SORCS3: variants seen among roughly 807,000 people sequenced by gnomAD.
SORCS3 encodes the protein VPS10 domain-containing receptor SorCS3.
Under a neutral mutation model 146.3 loss-of-function variants are expected in SORCS3, and 57 were observed. The ratio of observed to expected loss-of-function variants is 0.39; its 90% CI spans 0.31 to 0.49. SORCS3 has a LOEUF of 0.49. Ranked by LOEUF, SORCS3 falls within the 20% of genes least tolerant of loss-of-function variation. The pLI is 0.92. For synonymous variants in SORCS3, 653 were observed against 618.5 expected, an observed-to-expected ratio of 1.06 and a Z score of -0.83; for missense variants, 1,341 against 1,575.5, an observed-to-expected ratio of 0.85 and a Z score of 2.52.
At chr10:105,239,085 C>A (rs918864799) in intron 20 of SORCS3, among the ~76,000 whole-genome samples, 19 of 152,000 alleles carry the variant, frequency 1.3e-4, no homozygotes, top group Non-Finnish European at 2.5e-4. Context: ...TGAATAGAAC[C>A]ATGAATTTGG....
chr10:105,104,627 T>C (rs2055808646), intron 6 of SORCS3, among the ~76,000 whole-genome samples: 1 of 152,220 alleles, frequency 6.6e-6, no homozygotes, highest in Non-Finnish European at 1.5e-5. Context: ...ATGTATCTAA[T>C]GTAAAAAGCA....
chr10:105,222,311 G>A (rs963862736), intron 19 of SORCS3, among the ~76,000 whole-genome samples: 1 of 152,048 alleles, frequency 6.6e-6, no homozygotes, highest in Admixed American at 6.5e-5. Flanking sequence ...ACCCACCTCA[G>A]CCTCCCAAAG....
chr10:105,090,200 C>T (rs2055692609), intron 6 of SORCS3, among the ~76,000 whole-genome samples: 1 of 152,132 alleles, frequency 6.6e-6, no homozygotes, highest in Admixed American at 6.5e-5. Flanking sequence ...AGTATGAACC[C>T]TTTATATAGG....
At chr10:105,025,837 A>AACACACACACAC (rs57597161) in intron 4 of SORCS3, among the ~76,000 whole-genome samples, 1,774 of 135,464 alleles carry the variant, frequency 0.013, 37 homozygotes, top group African/African-American at 0.038. Flanking sequence ...TGTCTTCTCA[A>AACACACACACAC]ACACACACAC....
intron 7 of SORCS3, among the ~76,000 whole-genome samples, chr10:105,136,287 C>A (rs956334291): frequency 6.6e-6 from 1 of 152,148 alleles, no homozygotes; most frequent in Non-Finnish European, 1.5e-5. Context: ...TGTGTCCTCA[C>A]ATGGCAGAAG....
chr10:104,921,389 C>A (rs1171143006), intron 3 of SORCS3, among the ~76,000 whole-genome samples: 1 of 152,096 alleles, frequency 6.6e-6, no homozygotes, highest in Non-Finnish European at 1.5e-5. Flanking sequence ...TGACTGCCAC[C>A]TGCAACTTTG....
intron 1 of SORCS3, among the ~76,000 whole-genome samples, chr10:104,671,706 A>C (rs576156656): frequency 6.6e-6 from 1 of 152,014 alleles, no homozygotes; most frequent in South Asian, 2.1e-4. Flanking sequence ...GATTTTGTCA[A>C]ATGCTTTTTC....
chr10:105,006,182 T>G (rs926162518), intron 4 of SORCS3, among the ~76,000 whole-genome samples: 1 of 152,152 alleles, frequency 6.6e-6, no homozygotes, highest in African/African-American at 2.4e-5. Context: ...CCTCAGGTGA[T>G]CCACCCGCCT....
intron 17 of SORCS3, among the ~76,000 whole-genome samples, chr10:105,213,760 A>G (rs991499081): frequency 1.3e-5 from 2 of 152,130 alleles, no homozygotes; most frequent in East Asian, 1.9e-4. Context: ...GACCTCCTCT[A>G]TAAGATAATT....
chr10:104,886,327 G>A (rs1335048418), intron 2 of SORCS3, among the ~76,000 whole-genome samples: 1 of 152,018 alleles, frequency 6.6e-6, no homozygotes, highest in Non-Finnish European at 1.5e-5. Flanking sequence ...TTTATGTGGT[G>A]TTTCTCTCTT....
intron 4 of SORCS3, among the ~76,000 whole-genome samples, chr10:105,014,917 C>A (rs961342091): frequency 6.6e-6 from 1 of 152,156 alleles, no homozygotes; most frequent in Non-Finnish European, 1.5e-5. Flanking sequence ...CTGGGACTAC[C>A]CAGCCTCCAT....
intron 7 of SORCS3, among the ~76,000 whole-genome samples, chr10:105,106,089 G>A (rs191109758): frequency 1.2e-4 from 19 of 152,202 alleles, no homozygotes; most frequent in African/African-American, 4.1e-4. Context: ...TCTCTATTGT[G>A]TACTATAAGG....
At chr10:104,799,097 G>T (rs1196425408) in intron 1 of SORCS3, among the ~76,000 whole-genome samples, 1 of 152,166 alleles carries the variant, frequency 6.6e-6, no homozygotes, top group Non-Finnish European at 1.5e-5. Context: ...ACACTGTTGG[G>T]AGTGTAAATT....
intron 26 of SORCS3, 66 bp from the exon 27 acceptor site, chr10:105,263,244 A>G: frequency 6.5e-7 from 1 of 1,529,860 alleles, no homozygotes; most frequent in Non-Finnish European, 9.0e-7. Context: ...AGCAGTGAAT[A>G]AAACTAAGAT....
intron 1 of SORCS3, among the ~76,000 whole-genome samples, chr10:104,796,438 T>C (rs1411478804): frequency 1.4e-5 from 1 of 72,446 alleles, no homozygotes; most frequent in Non-Finnish European, 3.3e-5. Flanking sequence ...ATAATCTCCA[T>C]TTTTTTTTTT....
chr10:104,877,194 T>G (rs2018585228), intron 2 of SORCS3, among the ~76,000 whole-genome samples: 1 of 152,094 alleles, frequency 6.6e-6, no homozygotes, highest in African/African-American at 2.4e-5. Context: ...TTCCTAGTAA[T>G]TCTTAACCCG....
chr10:104,660,410 T>G (rs2015686191), intron 1 of SORCS3, among the ~76,000 whole-genome samples: 1 of 152,182 alleles, frequency 6.6e-6, no homozygotes, highest in Non-Finnish European at 1.5e-5. Flanking sequence ...GTGGAGGAAC[T>G]TCTAGGGACA....
chr10:105,014,068 CATAT>C (rs59328970), intron 4 of SORCS3, among the ~76,000 whole-genome samples: 2 of 137,370 alleles, frequency 1.5e-5, no homozygotes, highest in African/African-American at 5.9e-5. Flanking sequence ...TCTAAATATA[CATAT>C]ATATATATAT....
chr10:104,904,828 T>C (rs999046683), intron 2 of SORCS3, among the ~76,000 whole-genome samples: 2 of 149,520 alleles, frequency 1.3e-5, no homozygotes, highest in African/African-American at 5.0e-5. Context: ...CCATAAATTT[T>C]CAGTATTTTT....
Sources: gnomAD v4.1 joint callset for allele counts (sites outside exome capture counted in the v4.1 genomes callset) on GRCh38, gnomAD v4.1.1 for gene constraint, MANE v1.5 for transcripts, NCBI Gene and HGNC (gene_info 2026-07-23, HGNC 2026-07-21) for gene names.